Variants in THADA observed in about 807,000 individuals in gnomAD.
THADA encodes tRNA (32-2'-O)-methyltransferase regulator THADA.
In THADA, 213 loss-of-function variants were observed where a neutral mutation model predicts 219.8. The observed-to-expected ratio is 0.97, with a 90% CI of 0.87 to 1.09. The LOEUF (loss-of-function observed/expected upper bound fraction) is 1.09, where lower values mean the gene tolerates loss of function less well. Ranked by LOEUF, THADA falls within the 50% of genes least tolerant of loss-of-function variation. The pLI, the probability that THADA is intolerant of heterozygous loss-of-function variation, is 0.00. For synonymous variants in THADA, 1,018 were observed against 828.9 expected, an observed-to-expected ratio of 1.23 and a Z score of -3.92; for missense variants, 2,956 against 2,311.3, an observed-to-expected ratio of 1.28 and a Z score of -5.72.
Position 43,231,032 on chromosome 2 carries a change from C to G in THADA, c.5778G>C (p.Gly1926=). 1 of 1,613,936 alleles carries G rather than the reference C, an allele frequency of 6.2e-7. No homozygotes were observed. Among genetic ancestry groups the G allele is most frequent in the Non-Finnish European group, 8.5e-7 (1 of 1,179,874 alleles). Residue 1926 remains glycine, a synonymous_variant, in exon 38 of 38, where the codon GGG becomes GGC. Transcript: ENST00000405975. ...RLLAFLEGKE[G]EDTLVLSVWD... ...AAACACTGAGAACTAGGGTGTCTTC[C>G]CCTTCCTTTCCTTCCAAAAAGGCCA... is the stretch of plus-strand genomic sequence containing the variant.
intron 29 of THADA, among the ~76,000 whole-genome samples, chr2:43,378,595 A>T (rs1424679971): frequency 6.6e-6 from 1 of 152,170 alleles, no homozygotes; most frequent in African/African-American, 2.4e-5. Flanking sequence ...TGTCATAGAC[A>T]ATATAATAGT....
intron 30 of THADA, among the ~76,000 whole-genome samples, chr2:43,333,950 CT>C: frequency 6.6e-6 from 1 of 152,288 alleles, no homozygotes; most frequent in South Asian, 2.1e-4. Context: ...GTGTAAGTCT[CT>C]TGTGTGAATA....
chr2:43,320,288 C>T (rs1678545943), intron 31 of THADA, among the ~76,000 whole-genome samples, 158 bp downstream of exon 31: 1 of 152,212 alleles, frequency 6.6e-6, no homozygotes, highest in African/African-American at 2.4e-5. Flanking sequence ...CCCTGACAAA[C>T]TTCTATGAGG....
intron 35 of THADA, among the ~76,000 whole-genome samples, chr2:43,285,174 G>C (rs941853501): frequency 6.6e-6 from 1 of 152,214 alleles, no homozygotes; most frequent in Non-Finnish European, 1.5e-5. Flanking sequence ...GTTGAGAAGG[G>C]ATAATTGTAT....
intron 29 of THADA, among the ~76,000 whole-genome samples, chr2:43,376,624 T>C (rs983660227): frequency 1.3e-5 from 2 of 152,168 alleles, no homozygotes; most frequent in African/African-American, 4.8e-5. Context: ...GAGCCCCAAA[T>C]ACCACACTCG....
intron 1 of THADA, chr2:43,595,572 A>G (rs1321051853): frequency 2.6e-5 from 4 of 152,412 alleles, no homozygotes; most frequent in Non-Finnish European, 5.9e-5. Context: ...CAGGGTCCCC[A>G]AGGGGGTAAA....
intron 29 of THADA, among the ~76,000 whole-genome samples, chr2:43,376,126 T>C (rs1479018685): frequency 1.3e-5 from 2 of 152,192 alleles, no homozygotes; most frequent in South Asian, 2.1e-4. Context: ...ACATAACCAG[T>C]AATGCTCTCT....
intron 36 of THADA, among the ~76,000 whole-genome samples, chr2:43,257,088 C>T (rs1670394213): frequency 6.6e-6 from 1 of 152,116 alleles, no homozygotes; most frequent in Non-Finnish European, 1.5e-5. Flanking sequence ...GGTAGAGGTC[C>T]CTCTGTTGGT....
chr2:43,517,551 A>C (rs1387520774), intron 22 of THADA, among the ~76,000 whole-genome samples: 2 of 152,160 alleles, frequency 1.3e-5, no homozygotes, highest in Non-Finnish European at 2.9e-5. Context: ...TTAAAGAACA[A>C]AGTGGCAGCT....
intron 22 of THADA, 55 bp from the exon 23 acceptor site, chr2:43,508,835 A>C (rs1690027392): frequency 1.3e-6 from 2 of 1,562,678 alleles, no homozygotes; most frequent in Admixed American, 3.4e-5. Flanking sequence ...TTAAAAGTAC[A>C]AACTATTGAT....
intron 29 of THADA, among the ~76,000 whole-genome samples, chr2:43,367,986 C>G (rs1340828270): frequency 6.6e-6 from 1 of 151,966 alleles, no homozygotes; most frequent in Non-Finnish European, 1.5e-5. Flanking sequence ...GGCGTGGTGG[C>G]AAGCACCTGT....
At chr2:43,358,948 T>A (rs1467703265) in intron 29 of THADA, among the ~76,000 whole-genome samples, 1 of 152,200 alleles carries the variant, frequency 6.6e-6, no homozygotes, top group Non-Finnish European at 1.5e-5. Context: ...AGTGGCTGTT[T>A]ATAAGGGAAA....
At chr2:43,580,508 T>C (rs1700320793) in intron 8 of THADA, among the ~76,000 whole-genome samples, 1 of 152,144 alleles carries the variant, frequency 6.6e-6, no homozygotes, top group African/African-American at 2.4e-5. Flanking sequence ...TTTTAATACC[T>C]GAGAACCCAG....
chr2:43,231,528 T>A (rs1667417105), intron 37 of THADA, among the ~76,000 whole-genome samples, 185 bp from the exon 38 acceptor site: 1 of 152,184 alleles, frequency 6.6e-6, no homozygotes, highest in African/African-American at 2.4e-5. Flanking sequence ...CACCTTCTAT[T>A]TTCACTCACT....
At chr2:43,397,456 T>A (rs1674217435) in intron 29 of THADA, among the ~76,000 whole-genome samples, 1 of 152,152 alleles carries the variant, frequency 6.6e-6, no homozygotes. Flanking sequence ...AATAAACTTG[T>A]ACATTTATTC....
intron 36 of THADA, among the ~76,000 whole-genome samples, chr2:43,237,137 G>A (rs1161345331): frequency 1.3e-5 from 2 of 150,010 alleles, no homozygotes; most frequent in African/African-American, 4.9e-5. Context: ...TAGACATATA[G>A]ATCAACAGAA....
chr2:43,569,500 G>T (rs548410229), intron 14 of THADA, among the ~76,000 whole-genome samples: 1 of 152,190 alleles, frequency 6.6e-6, no homozygotes, highest in African/African-American at 2.4e-5. Context: ...TGTCTTTAAA[G>T]TTCAGGTTGT....
In THADA at chr2:43,414,030, T is replaced by C. The variant is rs150669371; in HGVS notation, c.4058+14070A>G. 5.9e-5 allele frequency among the ~76,000 whole-genome samples: 9 copies of C among 152,350 alleles called. No homozygotes were observed. In the East Asian group the frequency reaches 1.7e-3, roughly 29 times the overall value. Reference sequence around the variant, plus strand: ...TCTCTAGAATACTTATAATATTTAATACAATGTAAATGTTATGTAAGTTGT... The same window carrying C: ...TCTCTAGAATACTTATAATATTTAACACAATGTAAATGTTATGTAAGTTGT... On this transcript the variant is annotated intron_variant, in intron 28 of 37. Coordinates refer to ENST00000405975, the MANE Select transcript of THADA (RefSeq NM_022065.5).
Position 43,572,925 on chromosome 2 carries a change from T to C in THADA, c.1797A>G (p.Ala599=). The C allele has an allele frequency of 1.2e-6, 2 of 1,613,976 alleles. No homozygotes were observed. Among genetic ancestry groups the C allele is most frequent in the Non-Finnish European group, 1.7e-6 (2 of 1,179,868 alleles). The part of the protein sequence containing the change: ...NSRGALGALM[A]CLRIARAHGH... ...CATGAGCTCTAGCTATTCGCAGACA[T>C]GCCATCAAAGCTCCCAGAGCCCCCC... The change falls in exon 12 of 38, where the codon GCA becomes GCG. Residue 599 remains alanine, a synonymous_variant. Transcript: ENST00000405975.
Sources: allele counts gnomAD v4.1 joint callset (sites outside exome capture counted in the v4.1 genomes callset), GRCh38; gene constraint gnomAD v4.1.1; transcripts MANE v1.5; gene names NCBI Gene and HGNC (gene_info 2026-07-23, HGNC 2026-07-21).